PCDH11X: variants seen among roughly 807,000 people sequenced by gnomAD.
PCDH11X encodes the protein protocadherin 11 X-linked.
PCDH11X carries 18 observed loss-of-function variants against 53.3 expected under a neutral mutation model. The ratio of observed to expected loss-of-function variants is 0.34; its 90% CI spans 0.23 to 0.50. The LOEUF (loss-of-function observed/expected upper bound fraction) is 0.50, where lower values mean the gene tolerates loss of function less well. Among genes scored for constraint, PCDH11X ranks in the 20% least tolerant of loss-of-function variants. The pLI, the probability that PCDH11X is intolerant of heterozygous loss-of-function variation, is 0.98. For missense variants in PCDH11X, 570 were observed against 1,032.4 expected (o/e 0.55, Z 6.14); for synonymous variants, 279 against 393.3 (o/e 0.71, Z 3.44).
intron 6 of PCDH11X, among the ~76,000 whole-genome samples, chrX:91,923,443 A>G (rs1353525803): frequency 6.6e-5 from 7 of 105,407 alleles, no homozygotes; most frequent in African/African-American, 1.7e-4. Context: ...TCCAGGCTTC[A>G]TCTTTCTCCT....
intron 8 of PCDH11X, among the ~76,000 whole-genome samples, chrX:92,304,699 T>C (rs2068790166): frequency 8.9e-6 from 1 of 111,923 alleles, no homozygotes; most frequent in Admixed American, 9.5e-5. Context: ...AGAAAATATC[T>C]TATTGTCTAA....
chrX:92,536,556 A>T (rs1208768069), intron 10 of PCDH11X, among the ~76,000 whole-genome samples: 2 of 109,045 alleles, frequency 1.8e-5, no homozygotes, highest in African/African-American at 6.7e-5. Flanking sequence ...CATATTGTTT[A>T]TAATAATTTT....
chrX:92,000,234 A>C (rs1050026125), intron 6 of PCDH11X, among the ~76,000 whole-genome samples: 3 of 111,999 alleles, frequency 2.7e-5, no homozygotes, highest in African/African-American at 9.7e-5. Context: ...ATTTGAGTCC[A>C]AATCTTTAGT....
At chrX:92,144,356 C>A (rs1343006762) in intron 6 of PCDH11X, among the ~76,000 whole-genome samples, 1 of 110,065 alleles carries the variant, frequency 9.1e-6, no homozygotes, top group Admixed American at 9.7e-5. Flanking sequence ...TTGTATCTCC[C>A]AGAATTCCCA....
intron 6 of PCDH11X, among the ~76,000 whole-genome samples, chrX:92,148,112 TTC>T (rs1288980660): frequency 1.3e-3 from 24 of 18,437 alleles, no homozygotes; most frequent in East Asian, 3.1e-3. Context: ...CTTTCTTTCT[TTC>T]TTTCTTTCTT....
At chrX:91,929,378 A>C (rs1197457437) in intron 6 of PCDH11X, among the ~76,000 whole-genome samples, 2 of 110,478 alleles carry the variant, frequency 1.8e-5, no homozygotes, top group Non-Finnish European at 3.8e-5. Context: ...TACTAGTCTG[A>C]GCCCTTGAAC....
intron 6 of PCDH11X, among the ~76,000 whole-genome samples, chrX:91,916,348 T>A (rs1209566455): frequency 9.1e-6 from 1 of 109,777 alleles, no homozygotes; most frequent in Non-Finnish European, 1.9e-5. Flanking sequence ...CTATATGAAA[T>A]TGAAACAAAA....
intron 10 of PCDH11X, among the ~76,000 whole-genome samples, chrX:92,533,290 C>G (rs1447345228): frequency 9.0e-6 from 1 of 110,637 alleles, no homozygotes; most frequent in Non-Finnish European, 1.9e-5. Context: ...AGGTCCTGCT[C>G]TAGGAAGTTG....
chrX:91,967,503 G>C (rs1244654213), intron 6 of PCDH11X, among the ~76,000 whole-genome samples: 1 of 109,886 alleles, frequency 9.1e-6, no homozygotes, highest in African/African-American at 3.3e-5. Flanking sequence ...AGGTGGAATA[G>C]TTTCATCCTG....
chrX:92,445,412 G>T (rs1367319584), intron 9 of PCDH11X, among the ~76,000 whole-genome samples: 2 of 99,541 alleles, frequency 2.0e-5, no homozygotes, highest in Admixed American at 2.3e-4. Context: ...TCTGTGAGGA[G>T]ATCTTATATT....
chrX:92,597,737 AG>A (rs1009390028), intron 10 of PCDH11X, among the ~76,000 whole-genome samples: 4 of 111,722 alleles, frequency 3.6e-5, no homozygotes, highest in African/African-American at 1.3e-4. Context: ...TTAGGCAAAA[AG>A]AACAAAACCG....
intron 6 of PCDH11X, among the ~76,000 whole-genome samples, chrX:92,079,708 G>T: frequency 9.0e-6 from 1 of 111,613 alleles, no homozygotes; most frequent in Non-Finnish European, 1.9e-5. Flanking sequence ...CTAATTCATA[G>T]TTCACAGCTA....
At chrX:92,442,868 C>T (rs1436450740) in intron 9 of PCDH11X, among the ~76,000 whole-genome samples, 7 of 108,345 alleles carry the variant, frequency 6.5e-5, no homozygotes, top group East Asian at 2.9e-4. Context: ...ATTGCTGCAA[C>T]GAACATGCTG....
chrX:92,578,801 G>C (rs1347061481), intron 10 of PCDH11X, among the ~76,000 whole-genome samples: 6 of 104,583 alleles, frequency 5.7e-5, no homozygotes, highest in African/African-American at 2.1e-4. Context: ...ATGCTAGCTA[G>C]TTATTTTATA....
intron 6 of PCDH11X, among the ~76,000 whole-genome samples, chrX:92,008,341 T>C (rs939264171): frequency 1.8e-5 from 2 of 111,127 alleles, no homozygotes; most frequent in Admixed American, 1.9e-4. Context: ...TTTCAAGGGA[T>C]CCTTCTCTGG....
chrX:92,031,986 A>C (rs771006721), intron 6 of PCDH11X, among the ~76,000 whole-genome samples: 1 of 111,975 alleles, frequency 8.9e-6, no homozygotes, highest in Non-Finnish European at 1.9e-5. Flanking sequence ...GTTCGCATAT[A>C]AATTTTAGGA....
At chrX:92,381,804 G>A (rs1424018995) in intron 8 of PCDH11X, among the ~76,000 whole-genome samples, 1 of 111,561 alleles carries the variant, frequency 9.0e-6, no homozygotes, top group Non-Finnish European at 1.9e-5. Flanking sequence ...AGATGAAGCA[G>A]TGTTCAAACC....
chrX:92,449,644 A>ATAT (rs1451799856), intron 9 of PCDH11X, among the ~76,000 whole-genome samples: 1 of 111,705 alleles, frequency 9.0e-6, no homozygotes, highest in Non-Finnish European at 1.9e-5. Flanking sequence ...TATCGTGATT[A>ATAT]TATTTGAATC....
chrX:92,569,642 G>A (rs898833510), intron 10 of PCDH11X, among the ~76,000 whole-genome samples: 4 of 110,411 alleles, frequency 3.6e-5, no homozygotes, highest in African/African-American at 1.3e-4. Context: ...ACTATTTTTT[G>A]ATATTTTGAT....
Sources: gnomAD v4.1 joint callset for allele counts (sites outside exome capture counted in the v4.1 genomes callset) on GRCh38, gnomAD v4.1.1 for gene constraint, MANE v1.5 for transcripts, NCBI Gene and HGNC (gene_info 2026-07-23, HGNC 2026-07-21) for gene names.